The following SDK1 variants were observed in gnomAD, a reference collection of about 807,000 sequenced individuals.
The protein encoded by SDK1 is protein sidekick-1.
SDK1 carries 157 observed loss-of-function variants against 245.5 expected under a neutral mutation model. The ratio of observed to expected loss-of-function variants is 0.64; its 90% confidence interval spans 0.56 to 0.73. SDK1 has a LOEUF of 0.73. SDK1 is among the 30% of genes least tolerant of loss of function. The pLI is 0.00. For missense variants in SDK1, 3,583 were observed against 3,002.3 expected, an observed-to-expected ratio of 1.19 and a Z score of -4.52; for synonymous variants, 1,647 against 1,278.5, an observed-to-expected ratio of 1.29 and a Z score of -6.15.
chr7:3,814,451 T>A (rs781058047), intron 4 of SDK1, among the ~76,000 whole-genome samples: 275 of 151,522 alleles, frequency 1.8e-3, no homozygotes, highest in African/African-American at 6.1e-3. Flanking sequence ...CTGAGGGCTC[T>A]GTTCTGTTCC....
chr7:3,376,238 T>A (rs975617339), intron 1 of SDK1, among the ~76,000 whole-genome samples: 4 of 152,146 alleles, frequency 2.6e-5, no homozygotes, highest in Non-Finnish European at 1.5e-5. Context: ...AATATTTAAA[T>A]GTAAAAATGG....
chr7:4,227,493 T>C (rs1653655564), intron 40 of SDK1: 7 of 467,480 alleles, frequency 1.5e-5, no homozygotes, highest in South Asian at 1.1e-4. Flanking sequence ...CAGTAAAATT[T>C]CTAACCTGGA....
intron 4 of SDK1, among the ~76,000 whole-genome samples, chr7:3,815,012 G>GGCT (rs1372888308): frequency 6.8e-6 from 1 of 147,010 alleles, no homozygotes; most frequent in Non-Finnish European, 1.5e-5. Flanking sequence ...GGAGATTTTG[G>GGCT]GCTGAGACAA....
chr7:3,814,127 T>C (rs1353567063), intron 4 of SDK1, among the ~76,000 whole-genome samples: 2 of 146,772 alleles, frequency 1.4e-5, no homozygotes, highest in East Asian at 3.9e-4. Flanking sequence ...TTAGATCCCA[T>C]TTGTCAATTT....
In SDK1 at chr7:4,127,403, C is replaced by G. The variant is rs139165481; in HGVS notation, c.3846C>G (p.Asn1282Lys). ...RESVPSAAPE[N>K]VSAEAVSSTQ... ...CAGTTCCTTCAGCCGCCCCTGAGAA[C>G]GTGTCAGCCGAGGCTGTCAGCTCGA... Residue 1282 changes from asparagine to lysine, a missense_variant, in exon 26 of 45, where the codon AAC becomes AAG. By Grantham distance (94) the Asn-to-Lys change is moderately conservative. Transcript: ENST00000404826. The G allele has an allele frequency of 6.2e-7, 1 of 1,614,020 alleles. No individual in the cohort carries two copies. Among genetic ancestry groups the G allele is most frequent in the Non-Finnish European group, 8.5e-7 (1 of 1,179,982 alleles).
Position 3,591,510 on chromosome 7 carries a change from A to G in SDK1, c.299-27570A>G, listed in dbSNP as rs140365980. Among the ~76,000 whole-genome samples, 23 of 152,344 alleles carry G rather than the reference A, an allele frequency of 1.5e-4. No individual in the cohort carries two copies. The East Asian group carries it at 4.0e-3, about 27-fold the overall frequency. On this transcript the variant is annotated intron_variant, in intron 1 of 44. Coordinates refer to ENST00000404826, the MANE Select transcript of SDK1 (RefSeq NM_152744.4). ...GTGAAAGTCATAAAATTAAAGAAAT[A>G]TTTTGCACTGGCTGTTCACATTGAC...
At chr7:4,133,066 A>T (rs896856168) in intron 28 of SDK1, among the ~76,000 whole-genome samples, 1 of 152,218 alleles carries the variant, frequency 6.6e-6, no homozygotes, top group Non-Finnish European at 1.5e-5. Flanking sequence ...CTAGTTTTTC[A>T]GAGAAGATGC....
chr7:3,485,057 C>T (rs1384981159), intron 1 of SDK1, among the ~76,000 whole-genome samples: 1 of 152,126 alleles, frequency 6.6e-6, no homozygotes, highest in Admixed American at 6.5e-5. Context: ...GTTCTATTTT[C>T]CATTTCTGGA....
At chr7:3,924,373 TTG>T (rs1779697627) in intron 5 of SDK1, among the ~76,000 whole-genome samples, 1 of 152,114 alleles carries the variant, frequency 6.6e-6, no homozygotes, top group Non-Finnish European at 1.5e-5. Flanking sequence ...TGTGTTTGAC[TTG>T]GGCAGAAGGA....
At chr7:3,869,985 T>A (rs1780918306) in intron 5 of SDK1, among the ~76,000 whole-genome samples, 1 of 152,210 alleles carries the variant, frequency 6.6e-6, no homozygotes, top group African/African-American at 2.4e-5. Flanking sequence ...TCTCATGGAT[T>A]TATTTAGGAT....
chr7:4,211,195 T>A (rs1784493986), intron 38 of SDK1, among the ~76,000 whole-genome samples: 1 of 152,144 alleles, frequency 6.6e-6, no homozygotes, highest in Non-Finnish European at 1.5e-5. Flanking sequence ...TCTCCACACT[T>A]CCTAGATCAA....
chr7:4,248,321 CAT>C (rs957133385), intron 44 of SDK1, among the ~76,000 whole-genome samples: 67 of 151,796 alleles, frequency 4.4e-4, no homozygotes, highest in African/African-American at 1.5e-3. Context: ...CATGCACACA[CAT>C]ATACATATAC....
At chr7:3,654,409 C>G (rs34188874) in intron 4 of SDK1, among the ~76,000 whole-genome samples, 2 of 152,038 alleles carry the variant, frequency 1.3e-5, no homozygotes, top group Admixed American at 6.5e-5. Flanking sequence ...CAGAGCCTCA[C>G]CGTGCAGAGC....
At chr7:3,770,130 G>A (rs1026802969) in intron 4 of SDK1, among the ~76,000 whole-genome samples, 1 of 152,116 alleles carries the variant, frequency 6.6e-6, no homozygotes, top group South Asian at 2.1e-4. Context: ...GGATCCTTGC[G>A]GTGATGGAAC....
chr7:3,485,032 C>G (rs889666108), intron 1 of SDK1, among the ~76,000 whole-genome samples: 3 of 152,138 alleles, frequency 2.0e-5, no homozygotes, highest in African/African-American at 7.2e-5. Context: ...AGCGGAATTG[C>G]TAGATCATAT....
intron 1 of SDK1, among the ~76,000 whole-genome samples, chr7:3,506,779 C>G (rs1003043400): frequency 1.3e-5 from 2 of 151,604 alleles, no homozygotes; most frequent in Non-Finnish European, 2.9e-5. Context: ...TTGTATTTTT[C>G]AACTCCAGAT....
At chr7:3,589,431 G>A (rs1044289143) in intron 1 of SDK1, among the ~76,000 whole-genome samples, 9 of 152,160 alleles carry the variant, frequency 5.9e-5, no homozygotes, top group African/African-American at 1.4e-4. Context: ...CCTCCATGGC[G>A]CCTCCCCATG....
chr7:3,402,323 G>A (rs974533777), intron 1 of SDK1, among the ~76,000 whole-genome samples: 4 of 152,084 alleles, frequency 2.6e-5, no homozygotes, highest in Non-Finnish European at 2.9e-5. Flanking sequence ...TAATGGAGGA[G>A]GTACTTCAGT....
chr7:3,365,884 A>C (rs1238045274), intron 1 of SDK1, among the ~76,000 whole-genome samples: 2 of 152,010 alleles, frequency 1.3e-5, no homozygotes, highest in African/African-American at 4.8e-5. Flanking sequence ...TAAAAATACA[A>C]AAAAATTAGC....
Sources: allele counts gnomAD v4.1 joint callset (sites outside exome capture counted in the v4.1 genomes callset), GRCh38; gene constraint gnomAD v4.1.1; transcripts MANE v1.5; gene names NCBI Gene and HGNC (gene_info 2026-07-23, HGNC 2026-07-21).